The following MAP7D2 variants were observed in gnomAD, a reference collection of about 807,000 sequenced individuals.
MAP7D2 encodes the protein MAP7 domain-containing protein 2.
A neutral mutation model predicts 63.5 loss-of-function variants in MAP7D2; 33 were observed. That is an observed-to-expected ratio of 0.52 (90% CI 0.39 to 0.70). MAP7D2 has a LOEUF of 0.70. Among genes scored for constraint, MAP7D2 ranks in the 30% least tolerant of loss-of-function variants. MAP7D2 has a pLI of 0.00. For synonymous variants in MAP7D2, 224 were observed against 223.7 expected (o/e 1.00, Z -0.01); for missense variants, 626 against 604.0 (o/e 1.04, Z -0.38).
chrX:20,115,632 T>G (rs1227478182), intron 1 of MAP7D2, among the ~76,000 whole-genome samples: 2 of 111,576 alleles, frequency 1.8e-5, no homozygotes, highest in Non-Finnish European at 3.8e-5. Context: ...TGATTTAAGC[T>G]ATCTCCTCCT....
rs141115910 is a variant in MAP7D2 at position 20,044,455 on chromosome X, C to A, written c.788G>T (p.Arg263Leu). 1 of 1,210,251 alleles carries A rather than the reference C, an allele frequency of 8.3e-7. No individual in the cohort carries two copies. Among genetic ancestry groups the A allele is most frequent in the African/African-American group, 1.7e-5 (1 of 57,632 alleles). ...TGTAGCTTTCTTCTTCTCAATGTTT[C>A]GAGTGGGTGAAGACTTGTAAGAAGG... ...LNPSYKSSPT[R>L]NIEKKKATST... The change falls in exon 7 of 17, where the codon CGA becomes CTA. Residue 263 changes from arginine (R) to leucine (L), a missense_variant. Arg to Leu is a moderately radical substitution (Grantham distance 102, BLOSUM62 -2). Transcript: ENST00000379643.
chrX:20,065,445 T>A (rs1389136081), intron 1 of MAP7D2, among the ~76,000 whole-genome samples: 3 of 109,343 alleles, frequency 2.7e-5, no homozygotes, highest in African/African-American at 1.0e-4. Context: ...TTTTGTATTT[T>A]TAGTAGAGAT....
chrX:20,089,726 C>T lies in MAP7D2; in HGVS notation c.131-24921G>A, dbSNP rs145956097. 4.0e-3 allele frequency among the ~76,000 whole-genome samples: 450 copies of T among 112,601 alleles called. 2 individuals carry two copies. The highest frequency in any genetic ancestry group is 0.014 in the African/African-American group (424 of 31,040). On this transcript the variant is annotated intron_variant, in intron 1 of 16. Transcript: ENST00000379643. The stretch of plus-strand genomic sequence containing the variant: ...ACGTTTTAGATCATTAATAACTCCA[C>T]AATTAGAAATACATATTTACAATGT...
intron 1 of MAP7D2, among the ~76,000 whole-genome samples, chrX:20,111,783 AT>A (rs1193131812): frequency 1.8e-5 from 2 of 111,775 alleles, no homozygotes; most frequent in African/African-American, 6.5e-5. Flanking sequence ...GTTTATTTTT[AT>A]TTTTGAGTCA....
intron 6 of MAP7D2, among the ~76,000 whole-genome samples, chrX:20,046,746 A>G (rs932374627): frequency 3.5e-5 from 4 of 112,810 alleles, no homozygotes; most frequent in African/African-American, 1.3e-4. Context: ...CTTTCTGGTT[A>G]AGTTGGATAA....
intron 1 of MAP7D2, among the ~76,000 whole-genome samples, chrX:20,094,144 TTA>T (rs2066143601): frequency 9.1e-6 from 1 of 109,995 alleles, no homozygotes; most frequent in African/African-American, 3.3e-5. Context: ...ACAACTTGCT[TTA>T]TGTTTGGAAA....
chrX:20,021,386 A>T (rs181639427), intron 10 of MAP7D2: 59 of 112,398 alleles, frequency 5.2e-4, no homozygotes, highest in African/African-American at 1.7e-3. Context: ...AAATTATTTT[A>T]TCTGGCAACA....
intron 8 of MAP7D2, among the ~76,000 whole-genome samples, chrX:20,033,801 A>G (rs2074122270): frequency 8.9e-6 from 1 of 112,570 alleles, no homozygotes; most frequent in African/African-American, 3.2e-5. Context: ...AGGAATGTCA[A>G]AAATACCAGT....
At chrX:20,087,961 G>C (rs939843227) in intron 1 of MAP7D2, among the ~76,000 whole-genome samples, 2 of 98,099 alleles carry the variant, frequency 2.0e-5, no homozygotes, top group African/African-American at 3.9e-5. Flanking sequence ...GCTATCTCGG[G>C]TCACTGCAAC....
At position 20,115,313 on chromosome X, in the gene MAP7D2, G is replaced by A. The variant is rs981091922; in HGVS notation, c.130+1437C>T. On this transcript the variant is annotated intron_variant, in intron 1 of 16. Transcript: ENST00000379643. Reference sequence around the variant, plus strand: ...GATACACTGAAAACCCAATCATACCGCCCCTCCCCACCTCTCATGAGTACA... The same window carrying A: ...GATACACTGAAAACCCAATCATACCACCCCTCCCCACCTCTCATGAGTACA... 8.3e-5 allele frequency among the ~76,000 whole-genome samples: 8 copies of A among 96,331 alleles called. No individual in the cohort carries two copies. In the Admixed American group the frequency reaches 8.7e-4, roughly 11 times the overall value. 83.7% of individuals were successfully genotyped at this position (96,331 alleles called of 115,157 possible). A position where few individuals can be genotyped will look rare whatever the true frequency, so the allele number is the denominator to read the frequency against.
chrX:20,090,386 A>T (rs2066037652), intron 1 of MAP7D2, among the ~76,000 whole-genome samples: 1 of 91,910 alleles, frequency 1.1e-5, no homozygotes, highest in Non-Finnish European at 2.2e-5. Flanking sequence ...AAAAAAAAAA[A>T]TGTGAACAAA....
At chrX:20,072,413 C>G (rs1377905014) in intron 1 of MAP7D2, among the ~76,000 whole-genome samples, 1 of 111,808 alleles carries the variant, frequency 8.9e-6, no homozygotes, top group African/African-American at 3.3e-5. Flanking sequence ...CGCCAACCCT[C>G]CCTTTCCAGT....
intron 8 of MAP7D2, among the ~76,000 whole-genome samples, chrX:20,029,613 A>G (rs781432521): frequency 1.8e-5 from 2 of 111,781 alleles, no homozygotes; most frequent in Admixed American, 9.5e-5. Flanking sequence ...ACATTTAAAA[A>G]TAACTTCTAC....
rs35905676 is a variant in MAP7D2, at chrX:20,029,789, A to ATT, written c.1008-3839_1008-3838dup. ...TTAGAAAAGTGTGGGCAAGTCATAG[A>ATT]TTTTTTTTTTTTTTACAGTGAGTGA... On this transcript the variant is annotated intron_variant, in intron 8 of 16. Coordinates refer to ENST00000379643, the MANE Select transcript of MAP7D2 (RefSeq NM_001168465.2). Among the ~76,000 whole-genome samples the ATT allele has an allele frequency of 2.8e-3, 288 of 102,435 alleles. 2 individuals are homozygous for ATT. Among genetic ancestry groups the ATT allele is most frequent in the African/African-American group, 9.4e-3 (262 of 27,853 alleles). 89.0% of individuals were successfully genotyped at this position (102,435 alleles called of 115,157 possible). A position where few individuals can be genotyped will look rare whatever the true frequency, so the allele number is the denominator to read the frequency against.
At chrX:20,088,315 C>T (rs1355444170) in intron 1 of MAP7D2, among the ~76,000 whole-genome samples, 3 of 99,811 alleles carry the variant, frequency 3.0e-5, no homozygotes, top group South Asian at 4.8e-4. Context: ...TTTTTTGAGA[C>T]GGAGTCTCGC....
chrX:20,064,882 A>G, intron 1 of MAP7D2, 77 bp from the exon 2 acceptor site: 3 of 881,578 alleles, frequency 3.4e-6, no homozygotes, highest in Non-Finnish European at 5.0e-6. Flanking sequence ...GCAACTGGGC[A>G]TGGCACCCGA....
chrX:20,053,131 G>A (rs774050361), intron 4 of MAP7D2, 143 bp from the exon 5 acceptor site: 7 of 456,771 alleles, frequency 1.5e-5, no homozygotes, highest in Non-Finnish European at 2.3e-5. Flanking sequence ...CATCATCCTG[G>A]CATCTCATTA....
chrX:20,009,877 T>C (rs1184661538), intron 16 of MAP7D2, among the ~76,000 whole-genome samples: 1 of 107,566 alleles, frequency 9.3e-6, no homozygotes, highest in Non-Finnish European at 1.9e-5. Context: ...GTGCCTATGA[T>C]CCAACTACTC....
At chrX:20,023,242 A>G (rs1192557957) in intron 10 of MAP7D2, among the ~76,000 whole-genome samples, 1 of 113,095 alleles carries the variant, frequency 8.8e-6, no homozygotes, top group African/African-American at 3.2e-5. Flanking sequence ...CAAAGGCTCA[A>G]CAGAAAGCTG....
Sources: gnomAD v4.1 joint callset for allele counts (sites outside exome capture counted in the v4.1 genomes callset) on GRCh38, gnomAD v4.1.1 for gene constraint, MANE v1.5 for transcripts, NCBI Gene and HGNC (gene_info 2026-07-23, HGNC 2026-07-21) for gene names.